Variants in VCAN observed in about 807,000 individuals in gnomAD.
VCAN encodes versican core protein.
Under a neutral mutation model 245.5 loss-of-function variants are expected in VCAN, and 44 were observed. The ratio of observed to expected loss-of-function variants is 0.18; its 90% CI spans 0.14 to 0.23. The LOEUF is 0.23. VCAN is among the 10% of genes least tolerant of loss of function. The pLI is 1.00. For missense variants in VCAN, 3,793 were observed against 4,057.9 expected (o/e 0.93, Z 1.77); for synonymous variants, 1,413 against 1,437.0 (o/e 0.98, Z 0.38).
At chr5:83,579,656 G>A (rs926195669) in intron 13 of VCAN, among the ~76,000 whole-genome samples, 6 of 152,114 alleles carry the variant, frequency 3.9e-5, no homozygotes, top group South Asian at 2.1e-4. Flanking sequence ...ACTTAGGGAC[G>A]GTGATGAAGA....
intron 13 of VCAN, among the ~76,000 whole-genome samples, chr5:83,572,932 C>T (rs968670653): frequency 2.7e-5 from 4 of 150,926 alleles, no homozygotes; most frequent in Non-Finnish European, 5.9e-5. Context: ...GATGGAGTCT[C>T]GCTCTGTCAC....
chr5:83,495,468 G>A, intron 5 of VCAN, among the ~76,000 whole-genome samples: 1 of 152,094 alleles, frequency 6.6e-6, no homozygotes, highest in East Asian at 1.9e-4. Flanking sequence ...TTGTATATAG[G>A]AAAAGGGAAA....
Position 83,490,489 on chromosome 5 carries a change from C to T in VCAN, c.445+17C>T. ...CTGTGGATGGTAAGGCTTTTATTAT[C>T]TGCAAGAAGGTAGTATAACATGACA... On this transcript the variant is annotated intron_variant, in intron 3 of 14. Transcript: ENST00000265077. The T allele has an allele frequency of 1.2e-6, 2 of 1,613,370 alleles. No homozygotes were observed. The highest frequency in any genetic ancestry group is 2.2e-5 in the East Asian group (1 of 44,870).
At position 83,538,724 on chromosome 5, in the gene VCAN, G is replaced by A. The variant is rs1171411302; in HGVS notation, c.5721G>A (p.Val1907=). The A allele has an allele frequency of 6.2e-7, 1 of 1,613,920 alleles. No individual in the cohort carries two copies. Among genetic ancestry groups the A allele is most frequent in the Non-Finnish European group, 8.5e-7 (1 of 1,179,990 alleles). ...ENITQTSREI[V]ISERLGEPNY... ...TAACCCAAACATCCAGGGAAATAGT[G>A]ATTTCAGAGCGATTAGGAGAACCAA... The change falls in exon 8 of 15, where the codon GTG becomes GTA. Residue 1907 remains valine (V), a synonymous_variant. Coordinates refer to ENST00000265077, the MANE Select transcript of VCAN (RefSeq NM_004385.5).
At position 83,539,956 on chromosome 5, in the gene VCAN, C is replaced by T. The variant is rs755691366; in HGVS notation, c.6953C>T (p.Thr2318Ile). 1.2e-6 allele frequency: 2 copies of T among 1,614,128 alleles called. No homozygotes were observed. The highest frequency in any genetic ancestry group is 4.5e-5 in the East Asian group (2 of 44,868). ...AKEVGPLVSQTDIFEGSGSVT... is the reference protein window; with the variant it reads ...AKEVGPLVSQIDIFEGSGSVT... ...GAAGTTGGACCACTCGTATCTCAAACAGACATCTTTGAAGGTAGTGGGTCA... is the reference window on the plus strand; with the variant it reads ...GAAGTTGGACCACTCGTATCTCAAATAGACATCTTTGAAGGTAGTGGGTCA... The change falls in exon 8 of 15, where the codon ACA becomes ATA. Residue 2318 changes from threonine (T) to isoleucine (I), a missense_variant. Coordinates refer to ENST00000265077, the MANE Select transcript of VCAN (RefSeq NM_004385.5).
At chr5:83,564,682 T>G (rs1009202812) in intron 12 of VCAN, among the ~76,000 whole-genome samples, 16 of 87,280 alleles carry the variant, frequency 1.8e-4, no homozygotes, top group African/African-American at 7.4e-4. Flanking sequence ...TTTTTAGATG[T>G]TTTTTTTTTT....
chr5:83,483,966 A>G (rs1232264683), intron 2 of VCAN, among the ~76,000 whole-genome samples: 1 of 152,238 alleles, frequency 6.6e-6, no homozygotes, highest in Non-Finnish European at 1.5e-5. Flanking sequence ...AAGAATTGAG[A>G]AGATAAAGAG....
chr5:83,558,879 A>C (rs1179309951), intron 12 of VCAN, among the ~76,000 whole-genome samples: 2 of 152,104 alleles, frequency 1.3e-5, no homozygotes, highest in African/African-American at 4.8e-5. Context: ...TTGCCCAATA[A>C]ATTTCACAAA....
chr5:83,484,204 A>G (rs1055227484), intron 2 of VCAN, among the ~76,000 whole-genome samples: 2 of 152,216 alleles, frequency 1.3e-5, no homozygotes, highest in African/African-American at 4.8e-5. Context: ...CTCCAGACTC[A>G]GATTCCATTT....
rs755455076 is a variant in VCAN, at chr5:83,538,988, C to A, written c.5985C>A (p.Ser1995Arg). 20 of 1,613,996 alleles carry A rather than the reference C, an allele frequency of 1.2e-5. No individual in the cohort carries two copies. Among genetic ancestry groups the A allele is most frequent in the Non-Finnish European group, 1.7e-5 (20 of 1,179,950 alleles). ...AAGGACCCAGTAGCACCATGGTCAG[C>A]ACTTCAGCCTTCCCCTGGGAAGAGT... ...DSEGPSSTMV[S>R]TSAFPWEEFT... The change falls in exon 8 of 15, where the codon AGC becomes AGA. Residue 1995 changes from serine to arginine, a missense_variant. Coordinates refer to ENST00000265077, the MANE Select transcript of VCAN (RefSeq NM_004385.5).
chr5:83,474,548 G>A (rs940969481), intron 1 of VCAN, among the ~76,000 whole-genome samples: 2 of 152,326 alleles, frequency 1.3e-5, no homozygotes, highest in Admixed American at 1.3e-4. Flanking sequence ...GGGAGGACCC[G>A]CAACGGGCGC....
intron 12 of VCAN, among the ~76,000 whole-genome samples, chr5:83,571,188 C>T (rs1167832907): frequency 6.6e-6 from 1 of 152,158 alleles, no homozygotes; most frequent in East Asian, 1.9e-4. Flanking sequence ...AAACTTGTCT[C>T]ATACCACATT....
Position 83,540,837 on chromosome 5 carries a change from A to G in VCAN, c.7834A>G (p.Ser2612Gly). 1.9e-6 allele frequency: 3 copies of G among 1,614,048 alleles called. No individual in the cohort carries two copies. The highest frequency in any genetic ancestry group is 2.5e-6 in the Non-Finnish European group (3 of 1,179,972). The change falls in exon 8 of 15, where the codon AGT (serine) becomes GGT (glycine). Residue 2612 changes from serine (S) to glycine (G), a missense_variant. Physicochemically the swap from Ser to Gly is moderately conservative, Grantham distance 56. Coordinates refer to ENST00000265077, the MANE Select transcript of VCAN (RefSeq NM_004385.5). ...PSEPHDSNDE[S>G]NDDSTQVQEI... ...AGAACCACATGACAGTAATGATGAA[A>G]GTAATGATGACAGCACTCAAGTTCA...
At chr5:83,552,920 T>A (rs904968700) in intron 10 of VCAN, among the ~76,000 whole-genome samples, 3 of 152,234 alleles carry the variant, frequency 2.0e-5, no homozygotes, top group Non-Finnish European at 2.9e-5. Context: ...AGAGGACTAC[T>A]TCCAGAACCT....
chr5:83,501,947 A>T (rs377254624), intron 5 of VCAN, among the ~76,000 whole-genome samples: 5 of 152,198 alleles, frequency 3.3e-5, no homozygotes, highest in Middle Eastern at 3.4e-3. Flanking sequence ...GCTATTTTTT[A>T]GATATTCTTT....
rs953553455 is a variant in VCAN, at chr5:83,541,958, G to A, written c.8955G>A (p.Gly2985=). 2.5e-6 allele frequency: 4 copies of A among 1,613,858 alleles called. No individual in the cohort carries two copies. Among genetic ancestry groups the A allele is most frequent in the African/African-American group, 2.7e-5 (2 of 74,914 alleles). ...CTACTTCTGCTTCTGCCACCTATGG[G>A]GTCGAGGCAGGTGTGGTGCCTTGGC... The part of the protein sequence containing the change: ...PHSTSASATY[G]VEAGVVPWLS... The change falls in exon 8 of 15, where the codon GGG becomes GGA. Residue 2985 remains glycine, a synonymous_variant. Coordinates refer to ENST00000265077, the MANE Select transcript of VCAN (RefSeq NM_004385.5).
chr5:83,553,948 G>T (rs1033634454), intron 11 of VCAN, among the ~76,000 whole-genome samples: 4 of 152,132 alleles, frequency 2.6e-5, no homozygotes, highest in African/African-American at 9.7e-5. Context: ...AAATTGAATT[G>T]TTAATAATAG....
chr5:83,511,654 A>T (rs1017727057), intron 5 of VCAN, among the ~76,000 whole-genome samples: 2 of 151,614 alleles, frequency 1.3e-5, no homozygotes, highest in African/African-American at 2.4e-5. Context: ...TTACTATTTG[A>T]TTTTAGGATA....
rs776888915 is a variant in VCAN, at chr5:83,540,461, A to C, written c.7458A>C (p.Ser2486=). 1.2e-6 allele frequency: 2 copies of C among 1,614,030 alleles called. No individual in the cohort carries two copies. Among genetic ancestry groups the C allele is most frequent in the South Asian group, 2.2e-5 (2 of 91,074 alleles). Residue 2486 remains serine, a synonymous_variant, in exon 8 of 15, where the codon TCA becomes TCC. Coordinates refer to ENST00000265077, the MANE Select transcript of VCAN (RefSeq NM_004385.5). ...AVTADGFPTV[S]VMLPLHSEQN... Reference sequence around the variant, plus strand: ...CTGCTGATGGATTCCCAACAGTTTCAGTGATGCTGCCTCTTCATTCAGAGC... The same window carrying C: ...CTGCTGATGGATTCCCAACAGTTTCCGTGATGCTGCCTCTTCATTCAGAGC...
Sources: allele counts gnomAD v4.1 joint callset (sites outside exome capture counted in the v4.1 genomes callset), GRCh38; gene constraint gnomAD v4.1.1; transcripts MANE v1.5; gene names NCBI Gene and HGNC (gene_info 2026-07-23, HGNC 2026-07-21).